CLHC1: variants seen among roughly 807,000 people sequenced by gnomAD.
CLHC1 encodes the protein clathrin heavy chain linker domain-containing protein 1.
Under a neutral mutation model 69.5 loss-of-function variants are expected in CLHC1, and 72 were observed. The observed-to-expected ratio is 1.04, with a 90% confidence interval of 0.86 to 1.26. The LOEUF is 1.26. CLHC1 is among the 50% of genes most tolerant of loss of function. CLHC1 has a pLI of 0.00. For synonymous variants in CLHC1, 223 were observed against 224.3 expected, an observed-to-expected ratio of 0.99 and a Z score of 0.05; for missense variants, 790 against 679.3, an observed-to-expected ratio of 1.16 and a Z score of -1.81.
chr2:55,188,898 C>A (rs1670667728), intron 9 of CLHC1, among the ~76,000 whole-genome samples: 3 of 152,136 alleles, frequency 2.0e-5, no homozygotes, highest in Non-Finnish European at 2.9e-5. Flanking sequence ...ATTCAATTCA[C>A]ATTTAAGTGC....
chr2:55,230,059 C>T lies in CLHC1; in HGVS notation c.-255-1855G>A, dbSNP rs150117273. On this transcript the variant is annotated intron_variant, in intron 1 of 12. Transcript: ENST00000401408. ...TGCACTCCAGCCTGGGCAACAACAG[C>T]GAAACTCCATCTCAAAAAAAAGAAA... Among the ~76,000 whole-genome samples the T allele has an allele frequency of 3.9e-3, 591 of 152,110 alleles. 3 individuals carry two copies. Among genetic ancestry groups the T allele is most frequent in the Middle Eastern group, 0.031 (9 of 294 alleles).
At chr2:55,223,412 A>C (rs1382865671) in intron 2 of CLHC1, among the ~76,000 whole-genome samples, 1 of 152,132 alleles carries the variant, frequency 6.6e-6, no homozygotes, top group Non-Finnish European at 1.5e-5. Flanking sequence ...GTAAAGAATC[A>C]TGGGCGGCGG....
intron 9 of CLHC1, among the ~76,000 whole-genome samples, chr2:55,197,015 C>A (rs1344685116): frequency 6.6e-6 from 1 of 152,132 alleles, no homozygotes; most frequent in Non-Finnish European, 1.5e-5. Flanking sequence ...CACTAGCTGA[C>A]TGAAGAGGCT....
chr2:55,188,591 A>G (rs1670633927), intron 9 of CLHC1, among the ~76,000 whole-genome samples: 1 of 152,182 alleles, frequency 6.6e-6, no homozygotes, highest in Non-Finnish European at 1.5e-5. Flanking sequence ...AGAGAGTTCA[A>G]TCTTAGATAC....
chr2:55,187,807 C>T (rs1205799724), intron 9 of CLHC1, among the ~76,000 whole-genome samples: 2 of 152,008 alleles, frequency 1.3e-5, no homozygotes, highest in Non-Finnish European at 2.9e-5. Context: ...GAGGAAAAGA[C>T]TGATAAATTC....
intron 10 of CLHC1, 83 bp downstream of exon 10, chr2:55,181,487 T>A: frequency 9.4e-7 from 1 of 1,068,664 alleles, no homozygotes; most frequent in Middle Eastern, 2.5e-4. Context: ...AAGTAACATA[T>A]TGATAAAGCT....
rs985633858 is a variant in CLHC1, at chr2:55,172,911, C to T, written c.*2879G>A. 7.2e-5 allele frequency among the ~76,000 whole-genome samples: 11 copies of T among 152,102 alleles called. No homozygotes were observed. The highest frequency in any genetic ancestry group is 2.0e-4 in the Admixed American group (3 of 15,256). On this transcript the variant is annotated 3_prime_UTR_variant, in exon 13 of 13. Coordinates refer to ENST00000401408, the MANE Select transcript of CLHC1 (RefSeq NM_152385.4). ...TTTTTCATTAGACTAGACTTCTGTT[C>T]AACATCTCTAAACCTTTCCAAATGA...
chr2:55,178,538 G>A (rs575754698), intron 11 of CLHC1, among the ~76,000 whole-genome samples: 1 of 152,090 alleles, frequency 6.6e-6, no homozygotes, highest in African/African-American at 2.4e-5. Flanking sequence ...GGAGTGCATG[G>A]CTCACCATAG....
rs866686730 is a variant in CLHC1 at position 55,174,454 on chromosome 2, A to T, written c.*1336T>A. On this transcript the variant is annotated 3_prime_UTR_variant, in exon 13 of 13. Transcript: ENST00000401408. Reference sequence around the variant, plus strand: ...GACATATGGGATTTAGTAAGTACAAACTAAGTAGAGAAATGTGTGTTTCTG... The same window carrying T: ...GACATATGGGATTTAGTAAGTACAATCTAAGTAGAGAAATGTGTGTTTCTG... Among the ~76,000 whole-genome samples the T allele has an allele frequency of 1.8e-4, 27 of 152,366 alleles. No individual in the cohort carries two copies. Among genetic ancestry groups the T allele is most frequent in the African/African-American group, 6.0e-4 (25 of 41,584 alleles).
chr2:55,174,470 T>A lies in CLHC1; in HGVS notation c.*1320A>T, dbSNP rs1669208845. Among the ~76,000 whole-genome samples the A allele has an allele frequency of 2.0e-5, 3 of 152,228 alleles. No individual in the cohort carries two copies. The highest frequency in any genetic ancestry group is 4.4e-5 in the Non-Finnish European group (3 of 68,036). On this transcript the variant is annotated 3_prime_UTR_variant, in exon 13 of 13. Transcript: ENST00000401408. ...TAAGTACAAACTAAGTAGAGAAATG[T>A]GTGTTTCTGGGGCCGATTACAAAGG... is the stretch of plus-strand genomic sequence containing the variant.
intron 9 of CLHC1, among the ~76,000 whole-genome samples, chr2:55,190,132 C>A (rs1670780278): frequency 6.6e-6 from 1 of 152,060 alleles, no homozygotes; most frequent in South Asian, 2.1e-4. Flanking sequence ...GCAAGCTCTG[C>A]CTCCCAGGTT....
intron 9 of CLHC1, among the ~76,000 whole-genome samples, chr2:55,183,162 A>G (rs1403559286): frequency 2.0e-5 from 3 of 152,226 alleles, no homozygotes; most frequent in East Asian, 1.9e-4. Context: ...CTGAGCCTCA[A>G]TAGGTTCTAG....
chr2:55,199,780 C>T (rs1671764385), intron 9 of CLHC1, among the ~76,000 whole-genome samples: 1 of 151,742 alleles, frequency 6.6e-6, no homozygotes, highest in African/African-American at 2.4e-5. Flanking sequence ...AAACATACCA[C>T]CAGAGAAAAT....
At chr2:55,222,561 A>C in intron 2 of CLHC1, 68 bp from the exon 3 acceptor site, 5 of 586,022 alleles carry the variant, frequency 8.5e-6, no homozygotes, top group Non-Finnish European at 1.4e-5. Context: ...TGATCTAAAA[A>C]TGTATTTTTT....
At chr2:55,227,059 G>C (rs1674777735) in intron 2 of CLHC1, among the ~76,000 whole-genome samples, 2 of 152,180 alleles carry the variant, frequency 1.3e-5, no homozygotes, top group Admixed American at 1.3e-4. Flanking sequence ...ACTGCCCATA[G>C]CCATATACAG....
intron 1 of CLHC1, among the ~76,000 whole-genome samples, chr2:55,229,652 G>A (rs1050713079): frequency 1.3e-5 from 2 of 152,234 alleles, no homozygotes; most frequent in Non-Finnish European, 2.9e-5. Flanking sequence ...ACTGGACTGT[G>A]GCCTCTACTT....
chr2:55,209,274 C>T (rs761542953), intron 7 of CLHC1, 130 bp downstream of exon 7: 30 of 621,708 alleles, frequency 4.8e-5, no homozygotes, highest in East Asian at 1.1e-4. Flanking sequence ...AAACCCATAG[C>T]GTAACAGACA....
At chr2:55,205,419 ACACG>A (rs1376496790) in intron 9 of CLHC1, among the ~76,000 whole-genome samples, 2 of 151,114 alleles carry the variant, frequency 1.3e-5, no homozygotes, top group Non-Finnish European at 3.0e-5. Flanking sequence ...ACACACACAC[ACACG>A]CACACACACA....
chr2:55,226,385 G>A (rs1039736174), intron 2 of CLHC1, among the ~76,000 whole-genome samples: 3 of 151,768 alleles, frequency 2.0e-5, no homozygotes, highest in African/African-American at 4.8e-5. Flanking sequence ...TATAAAATTC[G>A]GAAAATATAA....
Sources: allele counts gnomAD v4.1 joint callset (sites outside exome capture counted in the v4.1 genomes callset), GRCh38; gene constraint gnomAD v4.1.1; transcripts MANE v1.5; gene names NCBI Gene and HGNC (gene_info 2026-07-23, HGNC 2026-07-21).